RELN: variants seen among roughly 807,000 people sequenced by gnomAD.
RELN encodes reelin.
RELN carries 108 observed loss-of-function variants against 427.6 expected under a neutral mutation model. The observed-to-expected ratio is 0.25, with a 90% CI of 0.22 to 0.30. The LOEUF is 0.30. Among genes scored for constraint, RELN ranks in the 10% least tolerant of loss-of-function variants. The pLI, the probability that RELN is intolerant of heterozygous loss-of-function variation, is 1.00. For missense variants in RELN, 3,715 were observed against 4,302.8 expected, an observed-to-expected ratio of 0.86 and a Z score of 3.82; for synonymous variants, 1,524 against 1,513.4, an observed-to-expected ratio of 1.01 and a Z score of -0.16.
At chr7:103,979,225 G>C (rs894988886) in intron 1 of RELN, among the ~76,000 whole-genome samples, 8 of 152,156 alleles carry the variant, frequency 5.3e-5, no homozygotes, top group African/African-American at 1.7e-4. Context: ...GCGGATCTTG[G>C]TTCAGCTCTG....
intron 3 of RELN, among the ~76,000 whole-genome samples, chr7:103,829,476 C>T (rs1035039829): frequency 6.6e-6 from 1 of 151,862 alleles, no homozygotes; most frequent in Non-Finnish European, 1.5e-5. Context: ...AAAGTAAAAA[C>T]AAACCATATT....
chr7:103,632,050 A>G (rs569026171), intron 19 of RELN, among the ~76,000 whole-genome samples: 1 of 152,376 alleles, frequency 6.6e-6, no homozygotes, highest in East Asian at 1.9e-4. Context: ...ACTGGAAACT[A>G]GAATTTCCCA....
chr7:103,511,536 A>G (rs1168744394), intron 50 of RELN, among the ~76,000 whole-genome samples: 6 of 152,174 alleles, frequency 3.9e-5, no homozygotes, highest in African/African-American at 9.6e-5. Flanking sequence ...TGAATTTTTT[A>G]TAGCTTTATC....
rs936513250 is a variant in RELN at position 103,953,587 on chromosome 7, T to G, written c.226+35544A>C. On this transcript the variant is annotated intron_variant, in intron 1 of 64. Transcript: ENST00000428762. This position sits in a 1 kb window ranked among gnomAD's most constrained non-coding sequence, Gnocchi z 4.3. ...ATCTAAATACCAAATGAGAGTGTAA[T>G]CTCAACTAGCAGTCGTAGTAAAATT... 1.6e-4 allele frequency among the ~76,000 whole-genome samples: 25 copies of G among 152,132 alleles called. 1 individual carries two copies. The highest frequency in any genetic ancestry group is 1.6e-3 in the Admixed American group (25 of 15,266).
Position 103,602,279 on chromosome 7 carries a change from TG to T in RELN, c.3333+1024del, listed in dbSNP as rs1831689419. ...GCTAAATCACCAGGAGGTTGAATAA[TG>T]TGCTTCAAAAATCACTAGAAATACC... On this transcript the variant is annotated intron_variant, in intron 24 of 64. Coordinates refer to ENST00000428762, the MANE Select transcript of RELN (RefSeq NM_005045.4). 2.0e-5 allele frequency among the ~76,000 whole-genome samples: 3 copies of T among 152,306 alleles called. No homozygotes were observed. In the South Asian group the frequency reaches 6.2e-4, roughly 32 times the overall value.
intron 41 of RELN, among the ~76,000 whole-genome samples, chr7:103,550,752 T>G (rs1584286387): frequency 6.6e-6 from 1 of 151,872 alleles, no homozygotes; most frequent in South Asian, 2.1e-4. Context: ...TATTGTCAGG[T>G]GGGAGTAGGC....
rs1234829561 is a variant in RELN at position 103,563,105 on chromosome 7, C to T, written c.5211-1152G>A. ...TCAGAAAGCTCCCTCCAGTTCTCCCCAAATGAGTTAGGTAGTACCCTCCTG... is the reference window on the plus strand; with the variant it reads ...TCAGAAAGCTCCCTCCAGTTCTCCCTAAATGAGTTAGGTAGTACCCTCCTG... On this transcript the variant is annotated intron_variant, in intron 34 of 64. Transcript: ENST00000428762. This position sits in a 1 kb window ranked among gnomAD's most constrained non-coding sequence, Gnocchi z 4.1. 6.6e-6 allele frequency among the ~76,000 whole-genome samples: 1 copy of T among 152,160 alleles called. No homozygotes were observed. Among genetic ancestry groups the T allele is most frequent in the African/African-American group, 2.4e-5 (1 of 41,424 alleles).
intron 55 of RELN, 79 bp downstream of exon 55, chr7:103,497,741 T>G: frequency 8.5e-7 from 1 of 1,177,426 alleles, no homozygotes; most frequent in Admixed American, 1.7e-5. Context: ...TCAGCAAAGC[T>G]TTGCAGAGAC....
chr7:103,662,632 A>G, intron 11 of RELN, among the ~76,000 whole-genome samples: 1 of 151,596 alleles, frequency 6.6e-6, no homozygotes, highest in African/African-American at 2.4e-5. Flanking sequence ...TCACAAAAAA[A>G]AAAAAAAAAA....
chr7:103,785,942 A>ATT (rs567498092), intron 3 of RELN, among the ~76,000 whole-genome samples: 10 of 147,326 alleles, frequency 6.8e-5, no homozygotes, highest in African/African-American at 2.5e-4. Flanking sequence ...TGTAAACTCC[A>ATT]TTTTTTTTTT....
Position 103,926,627 on chromosome 7 carries a change from G to GTTTTTTTTTTTTT in RELN, c.227-9455_227-9443dup, listed in dbSNP as rs60259062. Among the ~76,000 whole-genome samples the GTTTTTTTTTTTTT allele has an allele frequency of 1.7e-4, 17 of 99,480 alleles. 2 individuals carry two copies. Among genetic ancestry groups the GTTTTTTTTTTTTT allele is most frequent in the African/African-American group, 5.0e-4 (14 of 28,184 alleles). The allele number at this position is 99,480 out of a possible 152,430, so 65.3% of individuals were successfully genotyped here. A position where few individuals can be genotyped will look rare whatever the true frequency, so the allele number is the denominator to read the frequency against. On this transcript the variant is annotated intron_variant, in intron 1 of 64. Transcript: ENST00000428762. ...CGAACGCAGCTCTAAAGTATCATAA[G>GTTTTTTTTTTTTT]TTTTTTTTTTTTTTTTTTTTTTTTT...
chr7:103,924,851 A>G (rs2116691694), intron 1 of RELN, among the ~76,000 whole-genome samples: 1 of 152,218 alleles, frequency 6.6e-6, no homozygotes, highest in South Asian at 2.1e-4. Context: ...TTTGGAAGTA[A>G]GTTTAGATGA....
intron 64 of RELN, among the ~76,000 whole-genome samples, chr7:103,477,529 A>G (rs1406734512): frequency 4.6e-5 from 7 of 152,232 alleles, no homozygotes; most frequent in East Asian, 1.9e-4. Flanking sequence ...CATTCAAACT[A>G]TCACTGAAAC....
chr7:103,632,941 C>T (rs1832503599), intron 19 of RELN, among the ~76,000 whole-genome samples: 1 of 151,824 alleles, frequency 6.6e-6, no homozygotes, highest in African/African-American at 2.4e-5. Flanking sequence ...TAAAAACAAG[C>T]CCTATAATTA....
In RELN at chr7:103,988,498, A is replaced by T. The variant is rs996244017; in HGVS notation, c.226+633T>A. Among the ~76,000 whole-genome samples, 2 of 152,254 alleles carry T rather than the reference A, an allele frequency of 1.3e-5. No individual in the cohort carries two copies. Among genetic ancestry groups the T allele is most frequent in the African/African-American group, 4.8e-5 (2 of 41,474 alleles). Reference sequence around the variant, plus strand: ...ACCATGTAAAAGTAAGGCAGGAATCAGAAAAATCATCAATTACTGACATAT... The same window carrying T: ...ACCATGTAAAAGTAAGGCAGGAATCTGAAAAATCATCAATTACTGACATAT... On this transcript the variant is annotated intron_variant, in intron 1 of 64. Transcript: ENST00000428762. The surrounding 1 kb of genome is among the most constrained non-coding windows in gnomAD (Gnocchi z 4.9).
intron 3 of RELN, among the ~76,000 whole-genome samples, chr7:103,778,759 A>G (rs1452393992): frequency 6.6e-6 from 1 of 152,252 alleles, no homozygotes; most frequent in Non-Finnish European, 1.5e-5. Flanking sequence ...GAATAATGAC[A>G]GAGTAATTGA....
intron 37 of RELN, among the ~76,000 whole-genome samples, chr7:103,557,471 C>T (rs1305148051): frequency 2.6e-5 from 4 of 152,130 alleles, no homozygotes; most frequent in Non-Finnish European, 5.9e-5. Context: ...CACGATTTTA[C>T]AAAGGGTCAA....
intron 28 of RELN, among the ~76,000 whole-genome samples, chr7:103,582,286 T>C (rs1182038326): frequency 1.3e-5 from 2 of 152,194 alleles, no homozygotes. Context: ...TGTTAAGCAT[T>C]TGTGTTTGTG....
chr7:103,962,646 TTGTGTGTGTGTGTGTGTG>T (rs57782980), intron 1 of RELN, among the ~76,000 whole-genome samples: 7 of 149,924 alleles, frequency 4.7e-5, no homozygotes, highest in African/African-American at 7.3e-5. Context: ...TCCAAAGTTG[TTGTGTGTGTGTGTGTGTG>T]TGTGTGTGTG....
Sources: gnomAD v4.1 joint callset for allele counts (sites outside exome capture counted in the v4.1 genomes callset) on GRCh38, gnomAD v4.1.1 for gene constraint, Gnocchi (gnomAD v3.1) non-coding constraint, MANE v1.5 for transcripts, NCBI Gene and HGNC (gene_info 2026-07-23, HGNC 2026-07-21) for gene names.